PTPRD: variants seen among roughly 807,000 people sequenced by gnomAD.
PTPRD encodes the protein receptor-type tyrosine-protein phosphatase delta.
Under a neutral mutation model 214.5 loss-of-function variants are expected in PTPRD, and 34 were observed. The ratio of observed to expected loss-of-function variants is 0.16; its 90% CI spans 0.12 to 0.21. The LOEUF is 0.21. Ranked by LOEUF, PTPRD falls within the 10% of genes least tolerant of loss-of-function variation. The pLI is 1.00. For synonymous variants in PTPRD, 1,128 were observed against 845.7 expected, an observed-to-expected ratio of 1.33 and a Z score of -5.79; for missense variants, 2,545 against 2,398.7, an observed-to-expected ratio of 1.06 and a Z score of -1.27.
intron 2 of PTPRD, among the ~76,000 whole-genome samples, chr9:10,420,626 C>G (rs2098537349): frequency 6.6e-6 from 1 of 151,772 alleles, no homozygotes. Context: ...GGGCATACTC[C>G]TTGGTTATTT....
intron 2 of PTPRD, among the ~76,000 whole-genome samples, chr9:10,559,386 A>G (rs1259253994): frequency 6.6e-6 from 1 of 152,202 alleles, no homozygotes; most frequent in Non-Finnish European, 1.5e-5. Context: ...CAGTTCTTCC[A>G]TCATCAGTCA....
At chr9:10,388,985 T>C (rs190692443) in intron 2 of PTPRD, among the ~76,000 whole-genome samples, 21 of 151,964 alleles carry the variant, frequency 1.4e-4, no homozygotes, top group African/African-American at 5.1e-4. Flanking sequence ...AAATAATAAC[T>C]TCAATATAAG....
intron 4 of PTPRD, among the ~76,000 whole-genome samples, chr9:9,948,924 A>G (rs1401503098): frequency 6.6e-6 from 1 of 152,148 alleles, no homozygotes; most frequent in Admixed American, 6.6e-5. Flanking sequence ...ATAAAGCAGT[A>G]GCATTATCTA....
At chr9:10,462,320 G>C (rs1249221413) in intron 2 of PTPRD, among the ~76,000 whole-genome samples, 1 of 152,034 alleles carries the variant, frequency 6.6e-6, no homozygotes, top group Non-Finnish European at 1.5e-5. Context: ...ATGTGTAGGA[G>C]TATTTTATAT....
chr9:10,357,115 A>G (rs1455943441), intron 2 of PTPRD, among the ~76,000 whole-genome samples: 1 of 152,214 alleles, frequency 6.6e-6, no homozygotes, highest in African/African-American at 2.4e-5. Context: ...AAAACACTCC[A>G]AAAAATAAGA....
At chr9:9,424,774 T>C (rs946040520) in intron 8 of PTPRD, among the ~76,000 whole-genome samples, 2 of 152,256 alleles carry the variant, frequency 1.3e-5, no homozygotes, top group Admixed American at 1.3e-4. Context: ...AGATACAAAG[T>C]CAATATTTTA....
Position 8,514,543 on chromosome 9 carries a change from A to T in PTPRD, c.1543+3305T>A, listed in dbSNP as rs551839809. ...AAACTTAGTTTTTTTTTTTTTTTCC[A>T]TTTCTAAATGTTTTCATGTACTTCT... On this transcript the variant is annotated intron_variant, in intron 21 of 45. Transcript: ENST00000381196. Among the ~76,000 whole-genome samples the T allele has an allele frequency of 1.7e-3, 222 of 130,970 alleles. 1 individual carries two copies. The highest frequency in any genetic ancestry group is 2.6e-3 in the Non-Finnish European group (158 of 61,078). The allele number at this position is 130,970 out of a possible 152,430, so 85.9% of individuals were successfully genotyped here.
intron 12 of PTPRD, among the ~76,000 whole-genome samples, chr9:8,668,234 T>G (rs770999729): frequency 6.6e-6 from 1 of 152,214 alleles, no homozygotes; most frequent in Admixed American, 6.5e-5. Flanking sequence ...GAAAGCCACA[T>G]GCTCATTTAT....
chr9:9,282,334 TG>T (rs536525830), intron 9 of PTPRD, among the ~76,000 whole-genome samples: 7 of 151,276 alleles, frequency 4.6e-5, no homozygotes, highest in Admixed American at 1.3e-4. Context: ...TGCAGAGGTT[TG>T]GGGGGCAATC....
At chr9:8,327,513 G>C (rs116392762) in intron 44 of PTPRD, among the ~76,000 whole-genome samples, 9,600 of 152,204 alleles carry the variant, frequency 0.063, 650 homozygotes, top group African/African-American at 0.18. Context: ...TAATTCTGTT[G>C]ATTTGGGTGG....
chr9:9,219,667 C>T (rs1160237517), intron 9 of PTPRD, among the ~76,000 whole-genome samples: 1 of 152,128 alleles, frequency 6.6e-6, no homozygotes, highest in South Asian at 2.1e-4. Flanking sequence ...GTATCAACAC[C>T]AAACTTGATT....
At chr9:10,506,702 T>A (rs72700970) in intron 2 of PTPRD, among the ~76,000 whole-genome samples, 14,998 of 152,200 alleles carry the variant, frequency 0.099, 993 homozygotes, top group African/African-American at 0.18. Context: ...GAGCCACAGT[T>A]TCCTGCAATC....
chr9:8,389,502 A>T (rs963105732), intron 36 of PTPRD, 95 bp from the exon 37 acceptor site: 10 of 885,746 alleles, frequency 1.1e-5, no homozygotes, highest in African/African-American at 1.7e-5. Flanking sequence ...TTACTGTTCC[A>T]CCTCACACTA....
chr9:9,967,593 G>A lies in PTPRD; in HGVS notation c.-471-28983C>T, dbSNP rs140206065. Reference sequence around the variant, plus strand: ...GAATATTATCTCACTTTTCAGATGAGGAACATGAGGTTCATAGGGTTTAAG... The same window carrying A: ...GAATATTATCTCACTTTTCAGATGAAGAACATGAGGTTCATAGGGTTTAAG... On this transcript the variant is annotated intron_variant, in intron 4 of 45. Coordinates refer to ENST00000381196, the MANE Select transcript of PTPRD (RefSeq NM_002839.4). 4.9e-4 allele frequency among the ~76,000 whole-genome samples: 75 copies of A among 152,220 alleles called. No individual in the cohort carries two copies. In the East Asian group the frequency reaches 7.5e-3, roughly 15 times the overall value.
chr9:9,593,765 A>G (rs1166233845), intron 7 of PTPRD, among the ~76,000 whole-genome samples: 1 of 152,064 alleles, frequency 6.6e-6, no homozygotes, highest in Non-Finnish European at 1.5e-5. Context: ...TCACCTGATT[A>G]TTAGCCACAA....
At position 8,733,835 on chromosome 9, in the gene PTPRD, G is replaced by C. The variant is rs889999666; in HGVS notation, c.9C>G (p.His3Gln). Residue 3 changes from histidine to glutamine, a missense_variant, in exon 12 of 46, where the codon CAC becomes CAG. Physicochemically the swap from His to Gln is conservative, Grantham distance 24 (BLOSUM62 0). Transcript: ENST00000381196. MV[H>Q]VARLLLLLLT... ...GGAGCAGCAGCAGCAGCCTGGCTAC[G>C]TGCACCATCCTGCAGCTTGGCAGCA... 2.6e-6 allele frequency: 4 copies of C among 1,551,822 alleles called. No individual in the cohort carries two copies. The highest frequency in any genetic ancestry group is 3.5e-6 in the Non-Finnish European group (4 of 1,147,294).
At chr9:9,630,334 CT>C (rs1193915387) in intron 7 of PTPRD, among the ~76,000 whole-genome samples, 1 of 152,092 alleles carries the variant, frequency 6.6e-6, no homozygotes, top group Non-Finnish European at 1.5e-5. Flanking sequence ...AAGAAGAGAC[CT>C]GCTCTTTTCC....
intron 5 of PTPRD, among the ~76,000 whole-genome samples, chr9:9,855,241 A>C (rs1222727980): frequency 6.6e-6 from 1 of 152,172 alleles, no homozygotes; most frequent in Non-Finnish European, 1.5e-5. Flanking sequence ...TACAGGAAGG[A>C]AATTTAAAAA....
At chr9:9,368,364 T>C (rs890377268) in intron 9 of PTPRD, among the ~76,000 whole-genome samples, 2 of 151,798 alleles carry the variant, frequency 1.3e-5, no homozygotes, top group African/African-American at 4.8e-5. Context: ...AAAAGACAGG[T>C]AAGATAATAA....
Sources: allele counts gnomAD v4.1 joint callset (sites outside exome capture counted in the v4.1 genomes callset), GRCh38; gene constraint gnomAD v4.1.1; transcripts MANE v1.5; gene names NCBI Gene and HGNC (gene_info 2026-07-23, HGNC 2026-07-21).